The following FBXW8 variants were observed in gnomAD, a reference collection of about 807,000 sequenced individuals.
FBXW8 encodes the protein F-box/WD repeat-containing protein 8.
Under a neutral mutation model 65.3 loss-of-function variants are expected in FBXW8, and 57 were observed. That is an observed-to-expected ratio of 0.87 (90% CI 0.71 to 1.09). The LOEUF (loss-of-function observed/expected upper bound fraction) is 1.09. Among genes scored for constraint, FBXW8 ranks in the 50% least tolerant of loss-of-function variants. The pLI is 0.00. For synonymous variants in FBXW8, 308 were observed against 330.2 expected, an observed-to-expected ratio of 0.93 and a Z score of 0.73; for missense variants, 777 against 814.8, an observed-to-expected ratio of 0.95 and a Z score of 0.57.
chr12:116,939,940 G>A (rs1593062125), intron 2 of FBXW8, among the ~76,000 whole-genome samples: 1 of 152,232 alleles, frequency 6.6e-6, no homozygotes, highest in East Asian at 1.9e-4. Flanking sequence ...GTCATGGGTA[G>A]GCTCAGCTGT....
Position 117,024,243 on chromosome 12 carries a change from C to G in FBXW8, c.1464C>G (p.Ile488Met), listed in dbSNP as rs758019779. 1.2e-6 allele frequency: 2 copies of G among 1,614,030 alleles called. No individual in the cohort carries two copies. The highest frequency in any genetic ancestry group is 1.3e-5 in the African/African-American group (1 of 74,910). The part of the protein sequence containing the change: ...VSAVQMDDWK[I>M]VSGGEEGLVS... ...CTGTGCAGATGGATGACTGGAAGAT[C>G]GTCAGTGGAGGCGAGGAAGGCCTGG... The change falls in exon 9 of 11, where the codon ATC becomes ATG. Residue 488 changes from isoleucine (I) to methionine (M), a missense_variant. Ile to Met is a conservative substitution (Grantham distance 10, BLOSUM62 1). Transcript: ENST00000652555.
chr12:116,957,886 G>C (rs1883748812), intron 4 of FBXW8, among the ~76,000 whole-genome samples: 1 of 152,200 alleles, frequency 6.6e-6, no homozygotes, highest in Non-Finnish European at 1.5e-5. Flanking sequence ...TAAGTGACTA[G>C]AGGAGAGCAT....
At chr12:116,915,962 CT>C (rs1880375731) in intron 1 of FBXW8, among the ~76,000 whole-genome samples, 1 of 152,078 alleles carries the variant, frequency 6.6e-6, no homozygotes, top group African/African-American at 2.4e-5. Flanking sequence ...CACCTGACTT[CT>C]AACACCACAT....
chr12:117,019,659 T>C (rs1954040420), intron 8 of FBXW8, among the ~76,000 whole-genome samples: 1 of 152,182 alleles, frequency 6.6e-6, no homozygotes, highest in Non-Finnish European at 1.5e-5. Context: ...GGAGTGTATA[T>C]AAGGTGCGCA....
chr12:116,912,402 C>T (rs1244792300), intron 1 of FBXW8, among the ~76,000 whole-genome samples: 3 of 149,516 alleles, frequency 2.0e-5, no homozygotes, highest in Non-Finnish European at 4.4e-5. Flanking sequence ...ATTGCCCAGT[C>T]TGGTCTCAAA....
intron 2 of FBXW8, among the ~76,000 whole-genome samples, chr12:116,942,002 A>G (rs1882600054): frequency 6.6e-6 from 1 of 151,926 alleles, no homozygotes; most frequent in Admixed American, 6.6e-5. Flanking sequence ...GGCTCTGTTC[A>G]TTTTATTCAT....
rs1161082591 is a variant in FBXW8 at position 117,027,924 on chromosome 12, C to A, written c.1653-104C>A. The stretch of plus-strand genomic sequence containing the variant: ...CAGAGAACGCGTTTGTGAAGCTGAA[C>A]CTCTATCTGGTCTCAGGCGAACGCC... On this transcript the variant is annotated intron_variant, in intron 10 of 10. Coordinates refer to ENST00000652555, the MANE Select transcript of FBXW8 (RefSeq NM_153348.3). 4.7e-6 allele frequency: 7 copies of A among 1,481,284 alleles called. No homozygotes were observed. The East Asian group carries it at 1.6e-4, about 35-fold the overall frequency. 91.8% of individuals were successfully genotyped at this position (1,481,284 alleles called of 1,614,324 possible).
At chr12:117,020,065 G>A (rs1034062381) in intron 8 of FBXW8, among the ~76,000 whole-genome samples, 11 of 152,178 alleles carry the variant, frequency 7.2e-5, no homozygotes, top group African/African-American at 2.4e-4. Flanking sequence ...CAGCCTAAAT[G>A]CATGTCCCCC....
chr12:116,933,110 A>G lies in FBXW8; in HGVS notation c.423+4983A>G, dbSNP rs191154086. Reference sequence around the variant, plus strand: ...CTATATTGTTTTCTTTCCCCTTGGAAATTTGATTTGTTATATTCTAACTTT... The same window carrying G: ...CTATATTGTTTTCTTTCCCCTTGGAGATTTGATTTGTTATATTCTAACTTT... On this transcript the variant is annotated intron_variant, in intron 2 of 10. Transcript: ENST00000652555. Among the ~76,000 whole-genome samples the G allele has an allele frequency of 3.2e-3, 483 of 152,274 alleles. 1 individual carries two copies. Among genetic ancestry groups the G allele is most frequent in the African/African-American group, 1.0e-2 (414 of 41,536 alleles).
At chr12:116,928,973 G>T (rs1219035318) in intron 2 of FBXW8, among the ~76,000 whole-genome samples, 2 of 152,122 alleles carry the variant, frequency 1.3e-5, no homozygotes, top group African/African-American at 4.8e-5. Context: ...GCCATGCCCA[G>T]CTAATTTTTG....
intron 1 of FBXW8, among the ~76,000 whole-genome samples, chr12:116,927,013 C>A (rs962430963): frequency 2.0e-5 from 3 of 151,974 alleles, no homozygotes; most frequent in Non-Finnish European, 4.4e-5. Context: ...ATTAACAATT[C>A]GCTTGTAAGC....
intron 5 of FBXW8, among the ~76,000 whole-genome samples, chr12:116,982,067 G>C (rs1885341026): frequency 6.6e-6 from 1 of 152,104 alleles, no homozygotes; most frequent in Admixed American, 6.5e-5. Context: ...ACCACATTTA[G>C]TTATCCCAAA....
intron 8 of FBXW8, among the ~76,000 whole-genome samples, chr12:117,020,905 CT>C (rs1954078099): frequency 6.6e-6 from 1 of 152,214 alleles, no homozygotes. Context: ...AACATGTTGT[CT>C]GAAACAGAAG....
intron 7 of FBXW8, among the ~76,000 whole-genome samples, chr12:117,006,106 A>T (rs1953669165): frequency 1.3e-5 from 2 of 152,110 alleles, no homozygotes; most frequent in Admixed American, 1.3e-4. Flanking sequence ...GCTTCTGGGG[A>T]GCTGAGCCAG....
intron 1 of FBXW8, among the ~76,000 whole-genome samples, chr12:116,921,778 A>T (rs779903761): frequency 1.0e-3 from 158 of 150,660 alleles, no homozygotes; most frequent in Admixed American, 2.1e-3. Flanking sequence ...TAGTAATATA[A>T]TTGCTTAGAG....
chr12:116,931,533 ATCC>A (rs1881772031), intron 2 of FBXW8, among the ~76,000 whole-genome samples: 1 of 151,940 alleles, frequency 6.6e-6, no homozygotes, highest in African/African-American at 2.4e-5. Context: ...TATTTGTATC[ATCC>A]GTTTTCTCCT....
rs948375287 is a variant in FBXW8 at position 116,910,962 on chromosome 12, G to A, written c.-76G>A. 2.9e-5 allele frequency: 37 copies of A among 1,272,098 alleles called. No individual in the cohort carries two copies. Among genetic ancestry groups the A allele is most frequent in the Non-Finnish European group, 3.5e-5 (35 of 1,004,646 alleles). 78.8% of individuals were successfully genotyped at this position (1,272,098 alleles called of 1,614,324 possible). A position where few individuals can be genotyped will look rare whatever the true frequency, so the allele number is the denominator to read the frequency against. On this transcript the variant is annotated 5_prime_UTR_variant, in exon 1 of 11. Transcript: ENST00000652555. ...GCGGCAGCGGCTTCCGGCCGCGGCG[G>A]ACACTTCCCTGGGCGGGACTGTCTC... is the stretch of plus-strand genomic sequence containing the variant.
intron 7 of FBXW8, among the ~76,000 whole-genome samples, chr12:117,006,179 G>T (rs1953670644): frequency 6.6e-6 from 1 of 152,148 alleles, no homozygotes; most frequent in Non-Finnish European, 1.5e-5. Context: ...TGAGTATGAA[G>T]ACTCAGTATT....
In FBXW8 at chr12:116,988,770, C is replaced by T. The variant is rs1458672075; in HGVS notation, c.1140C>T (p.Leu380=). 5.6e-6 allele frequency: 9 copies of T among 1,614,194 alleles called. No homozygotes were observed. Among genetic ancestry groups the T allele is most frequent in the South Asian group, 2.2e-5 (2 of 91,076 alleles). ...LLKAEDSART[L]LYAHGPPVTC... The stretch of plus-strand genomic sequence containing the variant: ...AAGCCGAAGACTCCGCCAGAACCCT[C>T]CTTTACGCCCACGGCCCGCCTGTCA... Residue 380 remains leucine, a synonymous_variant, in exon 7 of 11, where the codon CTC becomes CTT. Transcript: ENST00000652555.
Sources: gnomAD v4.1 joint callset for allele counts (sites outside exome capture counted in the v4.1 genomes callset) on GRCh38, gnomAD v4.1.1 for gene constraint, MANE v1.5 for transcripts, NCBI Gene and HGNC (gene_info 2026-07-23, HGNC 2026-07-21) for gene names.